NRXN3: variants seen among roughly 807,000 people sequenced by gnomAD.
NRXN3 encodes the protein neurexin III.
NRXN3 carries 32 observed loss-of-function variants against 137.6 expected under a neutral mutation model. The ratio of observed to expected loss-of-function variants is 0.23; its 90% CI spans 0.18 to 0.31. The LOEUF is 0.31. NRXN3 is among the 10% of genes least tolerant of loss of function. NRXN3 has a pLI of 1.00. For missense variants in NRXN3, 1,574 were observed against 2,062.5 expected, an observed-to-expected ratio of 0.76 and a Z score of 4.59; for synonymous variants, 798 against 784.5, an observed-to-expected ratio of 1.02 and a Z score of -0.29.
chr14:78,400,625 C>G (rs184700475), intron 4 of NRXN3, among the ~76,000 whole-genome samples: 1 of 152,176 alleles, frequency 6.6e-6, no homozygotes. Flanking sequence ...CTGGACTGTG[C>G]ATGATGCTGT....
chr14:78,417,773 A>G (rs1247356865), intron 4 of NRXN3, among the ~76,000 whole-genome samples: 1 of 152,130 alleles, frequency 6.6e-6, no homozygotes, highest in African/African-American at 2.4e-5. Flanking sequence ...CATTTATTTT[A>G]GAGACAGAGT....
At chr14:79,269,908 T>G (rs1300252244) in intron 15 of NRXN3, among the ~76,000 whole-genome samples, 2 of 152,226 alleles carry the variant, frequency 1.3e-5, no homozygotes, top group Non-Finnish European at 2.9e-5. Flanking sequence ...ACAACAATAC[T>G]GCTTAGTCTT....
chr14:78,800,872 A>G lies in NRXN3; in HGVS notation c.2045-2748A>G, dbSNP rs537543916. Among the ~76,000 whole-genome samples the G allele has an allele frequency of 2.0e-5, 3 of 152,354 alleles. No homozygotes were observed. In the South Asian group the frequency reaches 6.2e-4, roughly 32 times the overall value. ...GTGCCTGGCAATCAGTAAGCACAGA[A>G]GAATATATCATGGTATCTCATAATC... On this transcript the variant is annotated intron_variant, in intron 8 of 20. Coordinates refer to ENST00000335750, the MANE Select transcript of NRXN3 (RefSeq NM_001330195.2).
chr14:79,801,687 G>A (rs796278769), intron 19 of NRXN3, among the ~76,000 whole-genome samples: 1 of 152,198 alleles, frequency 6.6e-6, no homozygotes, highest in Non-Finnish European at 1.5e-5. Context: ...TTGAGTCTGG[G>A]CACCATTGCT....
chr14:79,558,894 C>T (rs1400179754), intron 16 of NRXN3, among the ~76,000 whole-genome samples: 3 of 152,198 alleles, frequency 2.0e-5, no homozygotes, highest in African/African-American at 7.2e-5. Flanking sequence ...GCTGCAGCTT[C>T]TCCATTAGCA....
At chr14:78,840,868 G>A (rs2099010485) in intron 10 of NRXN3, among the ~76,000 whole-genome samples, 1 of 152,148 alleles carries the variant, frequency 6.6e-6, no homozygotes, top group Non-Finnish European at 1.5e-5. Context: ...CTAATTAGAT[G>A]ATAATACTAT....
At chr14:78,545,327 CACAA>C (rs1054906911) in intron 4 of NRXN3, among the ~76,000 whole-genome samples, 50 of 152,342 alleles carry the variant, frequency 3.3e-4, no homozygotes, top group Admixed American at 9.2e-4. Context: ...TAAACACACA[CACAA>C]ACAACTTTAC....
chr14:78,353,361 G>T (rs1366452072), intron 4 of NRXN3, among the ~76,000 whole-genome samples: 13 of 152,264 alleles, frequency 8.5e-5, no homozygotes, highest in Admixed American at 8.5e-4. Context: ...AGGCTGGAAA[G>T]TCCAAGATCA....
chr14:79,642,104 A>G (rs1450617382), intron 16 of NRXN3, among the ~76,000 whole-genome samples: 1 of 135,730 alleles, frequency 7.4e-6, no homozygotes, highest in East Asian at 2.0e-4. Context: ...ATTAAAGCCT[A>G]TTGATGACTT....
chr14:78,320,819 T>C (rs548923158), intron 4 of NRXN3, among the ~76,000 whole-genome samples: 2 of 152,284 alleles, frequency 1.3e-5, no homozygotes, highest in East Asian at 3.9e-4. Context: ...GCATCTCACC[T>C]AAGATCACCC....
At chr14:78,851,301 C>T (rs2099041836) in intron 10 of NRXN3, among the ~76,000 whole-genome samples, 1 of 152,150 alleles carries the variant, frequency 6.6e-6, no homozygotes, top group South Asian at 2.1e-4. Flanking sequence ...AATACTCCCT[C>T]CCTGGTGAAA....
chr14:79,828,581 T>G lies in NRXN3; in HGVS notation c.4093+23391T>G, dbSNP rs1472609170. ...GTTACAGTGAGCCGAGATCACGCTCTGCACTCCAGCCTGGGCAACAGAGGA... is the reference window on the plus strand; with the variant it reads ...GTTACAGTGAGCCGAGATCACGCTCGGCACTCCAGCCTGGGCAACAGAGGA... On this transcript the variant is annotated intron_variant, in intron 20 of 20. Transcript: ENST00000335750. 2.2e-5 allele frequency among the ~76,000 whole-genome samples: 3 copies of G among 138,368 alleles called. No individual in the cohort carries two copies. The East Asian group carries it at 6.4e-4, about 29-fold the overall frequency. The allele number at this position is 138,368 out of a possible 152,430, so 90.8% of individuals were successfully genotyped here. A position where few individuals can be genotyped will look rare whatever the true frequency, so the allele number is the denominator to read the frequency against.
At chr14:78,496,250 T>C (rs992555971) in intron 4 of NRXN3, among the ~76,000 whole-genome samples, 3 of 152,160 alleles carry the variant, frequency 2.0e-5, no homozygotes, top group Non-Finnish European at 2.9e-5. Flanking sequence ...ACTCATCAGA[T>C]CATAGTTGAC....
At chr14:78,539,607 C>G (rs2096569368) in intron 4 of NRXN3, among the ~76,000 whole-genome samples, 1 of 152,144 alleles carries the variant, frequency 6.6e-6, no homozygotes, top group African/African-American at 2.4e-5. Flanking sequence ...GTCTCTTTCT[C>G]TTTCAGTTCT....
At chr14:78,522,613 T>C (rs2096300700) in intron 4 of NRXN3, among the ~76,000 whole-genome samples, 1 of 152,224 alleles carries the variant, frequency 6.6e-6, no homozygotes, top group Admixed American at 6.5e-5. Context: ...CACATTTTAA[T>C]GATGGGGTGG....
intron 19 of NRXN3, among the ~76,000 whole-genome samples, chr14:79,766,212 T>A (rs1036325563): frequency 2.6e-5 from 4 of 152,152 alleles, no homozygotes; most frequent in African/African-American, 9.7e-5. Context: ...ATAAAAGGTT[T>A]CATATGGTGT....
At chr14:79,279,431 C>A (rs2080876399) in intron 15 of NRXN3, 1 of 986,190 alleles carries the variant, frequency 1.0e-6, no homozygotes, top group Non-Finnish European at 1.2e-6. Flanking sequence ...GGCGCCCGCC[C>A]GCCTCTCGGC....
In NRXN3 at chr14:79,777,641, G is replaced by T. The variant is rs569445417; in HGVS notation, c.4015-27471G>T. On this transcript the variant is annotated intron_variant, in intron 19 of 20. Transcript: ENST00000335750. ...ATTTTTTTTATCTATTTCTTATTTT[G>T]AAGGTTATTTATTTATTCACAAACA... 2.6e-3 allele frequency among the ~76,000 whole-genome samples: 390 copies of T among 152,038 alleles called. 1 individual carries two copies. Among genetic ancestry groups the T allele is most frequent in the Non-Finnish European group, 4.1e-3 (278 of 67,980 alleles).
intron 16 of NRXN3, among the ~76,000 whole-genome samples, chr14:79,633,001 T>C (rs1176004988): frequency 6.6e-6 from 1 of 152,164 alleles, no homozygotes; most frequent in East Asian, 1.9e-4. Flanking sequence ...ATTACCATGA[T>C]ACTGCAAATA....
Sources: gnomAD v4.1 joint callset for allele counts (sites outside exome capture counted in the v4.1 genomes callset) on GRCh38, gnomAD v4.1.1 for gene constraint, MANE v1.5 for transcripts, NCBI Gene and HGNC (gene_info 2026-07-23, HGNC 2026-07-21) for gene names.